The following MARCHF8 variants were observed in gnomAD, a reference collection of about 807,000 sequenced individuals.
MARCHF8 encodes the protein membrane associated ring-CH-type finger 8, also known as E3 ubiquitin-protein ligase MARCHF8.
A neutral mutation model predicts 51.6 loss-of-function variants in MARCHF8; 40 were observed. The observed-to-expected ratio is 0.77, with a 90% CI of 0.60 to 1.01. The LOEUF (loss-of-function observed/expected upper bound fraction) is 1.01, where lower values mean the gene tolerates loss of function less well. Among genes scored for constraint, MARCHF8 ranks in the 50% least tolerant of loss-of-function variants. The pLI is 0.00. For synonymous variants in MARCHF8, 263 were observed against 280.3 expected, an observed-to-expected ratio of 0.94 and a Z score of 0.62; for missense variants, 685 against 708.6, an observed-to-expected ratio of 0.97 and a Z score of 0.38.
At chr10:45,547,852 T>C (rs1050930250) in intron 1 of MARCHF8, among the ~76,000 whole-genome samples, 46 of 152,184 alleles carry the variant, frequency 3.0e-4, no homozygotes, top group African/African-American at 1.1e-3. Context: ...GCCTAAAATT[T>C]GGCAAAGATA....
chr10:45,536,835 A>AAT (rs2043976958), upstream of MARCHF8, among the ~76,000 whole-genome samples: 2 of 134,838 alleles, frequency 1.5e-5, no homozygotes, highest in Non-Finnish European at 3.2e-5. Flanking sequence ...ATCTCTACCA[A>AAT]AATAATAATA....
At chr10:45,529,683 A>G (rs1214555379) in intron 2 of MARCHF8, among the ~76,000 whole-genome samples, 1 of 152,236 alleles carries the variant, frequency 6.6e-6, no homozygotes, top group African/African-American at 2.4e-5. Flanking sequence ...GATGACATAC[A>G]AATGGCCAAG....
intron 1 of MARCHF8, among the ~76,000 whole-genome samples, chr10:45,540,773 C>T (rs1433642315): frequency 6.6e-6 from 1 of 152,180 alleles, no homozygotes; most frequent in Non-Finnish European, 1.5e-5. Flanking sequence ...TGAACAGACA[C>T]TTCTCAAAAG....
chr10:45,541,849 A>T lies in MARCHF8; in HGVS notation c.-78-8560T>A, dbSNP rs573998246. On this transcript the variant is annotated intron_variant, in intron 1 of 6. Transcript: ENST00000319836. ...CATGGAAGCAACTCTCAGAAGATAC[A>T]TGCGGCTGCCTATGGGGAAGATTCT... 3.3e-5 allele frequency among the ~76,000 whole-genome samples: 5 copies of T among 152,326 alleles called. No individual in the cohort carries two copies. The East Asian group carries it at 9.6e-4, about 29-fold the overall frequency.
At chr10:45,478,049 G>A (rs529400264) in intron 3 of MARCHF8, among the ~76,000 whole-genome samples, 28 of 152,304 alleles carry the variant, frequency 1.8e-4, no homozygotes, top group African/African-American at 2.9e-4. Flanking sequence ...TAAACTGCAC[G>A]TTAGGACAAT....
rs199820270 is a variant in MARCHF8 at position 45,477,947 on chromosome 10, C to CA, written c.153+11419dup. ...ATATTATTAAATCTAAAGGGAGAGA[C>CA]AGACTTCAGTATAATAATAGCTGAG... On this transcript the variant is annotated intron_variant, in intron 3 of 7. Transcript: ENST00000453424. Among the ~76,000 whole-genome samples the CA allele has an allele frequency of 5.7e-3, 865 of 152,282 alleles. 7 individuals carry two copies. The highest frequency in any genetic ancestry group is 0.034 in the Middle Eastern group (10 of 294).
At chr10:45,477,051 T>C (rs1405338271) in intron 3 of MARCHF8, among the ~76,000 whole-genome samples, 3 of 152,108 alleles carry the variant, frequency 2.0e-5, no homozygotes, top group African/African-American at 7.2e-5. Flanking sequence ...GCACATTATA[T>C]AGTCAAACAG....
chr10:45,547,646 G>A (rs1484163017), intron 1 of MARCHF8, among the ~76,000 whole-genome samples: 1 of 152,104 alleles, frequency 6.6e-6, no homozygotes, highest in African/African-American at 2.4e-5. Context: ...TAATTTCACA[G>A]TGGCACTGCT....
At chr10:45,495,797 G>T (rs1411822914) in intron 2 of MARCHF8, among the ~76,000 whole-genome samples, 1 of 144,542 alleles carries the variant, frequency 6.9e-6, no homozygotes, top group Admixed American at 7.1e-5. Flanking sequence ...GAGACAGGCA[G>T]GAAGGTGGGG....
chr10:45,474,391 A>G (rs1035976264), intron 3 of MARCHF8, among the ~76,000 whole-genome samples: 5 of 151,954 alleles, frequency 3.3e-5, no homozygotes, highest in African/African-American at 1.2e-4. Flanking sequence ...CCCCGAGACA[A>G]TGGCCCCTTG....
At chr10:45,580,448 C>G (rs1468855065) in intron 1 of MARCHF8, among the ~76,000 whole-genome samples, 4 of 152,188 alleles carry the variant, frequency 2.6e-5, no homozygotes, top group Non-Finnish European at 5.9e-5. Flanking sequence ...GAACTACCAC[C>G]GCTTACATGA....
chr10:45,585,330 T>C (rs2044606980), intron 1 of MARCHF8, among the ~76,000 whole-genome samples: 1 of 151,982 alleles, frequency 6.6e-6, no homozygotes, highest in Non-Finnish European at 1.5e-5. Context: ...AAATGGACAA[T>C]CCAGTCATTC....
intron 2 of MARCHF8, among the ~76,000 whole-genome samples, chr10:45,495,955 T>C (rs950470564): frequency 1.3e-5 from 2 of 152,044 alleles, no homozygotes; most frequent in African/African-American, 4.8e-5. Flanking sequence ...CCATGGTACA[T>C]GGGAACCACA....
At chr10:45,560,471 G>C (rs965975753) in intron 1 of MARCHF8, among the ~76,000 whole-genome samples, 2 of 152,126 alleles carry the variant, frequency 1.3e-5, no homozygotes, top group African/African-American at 2.4e-5. Flanking sequence ...CGGGGAGGGC[G>C]ACCATGTTGA....
At chr10:45,551,545 G>A (rs1158829766) in intron 1 of MARCHF8, among the ~76,000 whole-genome samples, 3 of 151,906 alleles carry the variant, frequency 2.0e-5, no homozygotes, top group African/African-American at 4.8e-5. Context: ...CTTCTAAATT[G>A]GTGGATTCTG....
chr10:45,502,645 T>C (rs1306875897), intron 2 of MARCHF8, among the ~76,000 whole-genome samples: 3 of 152,190 alleles, frequency 2.0e-5, no homozygotes, highest in Non-Finnish European at 4.4e-5. Context: ...AGTAACATCA[T>C]TTTTCAAATA....
intron 2 of MARCHF8, among the ~76,000 whole-genome samples, chr10:45,523,139 A>C (rs534305290): frequency 1.2e-4 from 18 of 152,348 alleles, no homozygotes; most frequent in African/African-American, 4.1e-4. Context: ...AAAATAAGGA[A>C]GTCATCTCAA....
At chr10:45,564,633 A>C (rs1277297203) in intron 1 of MARCHF8, among the ~76,000 whole-genome samples, 2 of 152,222 alleles carry the variant, frequency 1.3e-5, no homozygotes, top group Non-Finnish European at 2.9e-5. Flanking sequence ...TAAATCCAAA[A>C]GACTCAGAGA....
chr10:45,474,730 A>G (rs546218813), intron 3 of MARCHF8, among the ~76,000 whole-genome samples: 51 of 152,332 alleles, frequency 3.3e-4, no homozygotes, highest in African/African-American at 1.1e-3. Context: ...CACGAATTCA[A>G]CAGAGAAGTG....
Sources: allele counts gnomAD v4.1 joint callset (sites outside exome capture counted in the v4.1 genomes callset), GRCh38; gene constraint gnomAD v4.1.1; transcripts MANE v1.5; gene names NCBI Gene and HGNC (gene_info 2026-07-23, HGNC 2026-07-21).